The following LRP6 variants were observed in gnomAD, a reference collection of about 807,000 sequenced individuals.
LRP6 encodes the protein LDL receptor related protein 6, also known as low-density lipoprotein receptor-related protein 6.
LRP6 carries 43 observed loss-of-function variants against 184.1 expected under a neutral mutation model. The observed-to-expected ratio is 0.23, with a 90% confidence interval of 0.18 to 0.30. The LOEUF (loss-of-function observed/expected upper bound fraction) is 0.30. Among genes scored for constraint, LRP6 ranks in the 10% least tolerant of loss-of-function variants. LRP6 has a pLI of 1.00. For missense variants in LRP6, 1,571 were observed against 2,005.3 expected (o/e 0.78, Z 4.14); for synonymous variants, 719 against 684.9 (o/e 1.05, Z -0.78).
intron 6 of LRP6, 83 bp from the exon 7 acceptor site, chr12:12,180,064 C>G: frequency 9.1e-7 from 1 of 1,100,986 alleles, no homozygotes; most frequent in Non-Finnish European, 1.4e-6. Flanking sequence ...TCCATCCCTC[C>G]TATTACACTG....
intron 2 of LRP6, among the ~76,000 whole-genome samples, chr12:12,221,584 A>T (rs920629933): frequency 1.7e-4 from 26 of 152,194 alleles, no homozygotes; most frequent in African/African-American, 6.0e-4. Flanking sequence ...TTCATCAGAG[A>T]TTCTGATTCA....
chr12:12,202,788 T>C (rs1387956489), intron 3 of LRP6, among the ~76,000 whole-genome samples: 2 of 152,196 alleles, frequency 1.3e-5, no homozygotes, highest in East Asian at 1.9e-4. Context: ...TGGGACACTC[T>C]TTGTTGTACT....
intron 7 of LRP6, 97 bp from the exon 8 acceptor site, chr12:12,165,392 AG>A: frequency 8.1e-6 from 7 of 860,792 alleles, no homozygotes; most frequent in African/African-American, 1.6e-5. Flanking sequence ...AAAATCCAAG[AG>A]TCATCTTGGT....
rs1386065652 is a variant in LRP6 at position 12,120,225 on chromosome 12, T to C, written c.*901A>G. On this transcript the variant is annotated 3_prime_UTR_variant, in exon 23 of 23. Transcript: ENST00000261349. ...TAATATGTCTAACTTTTGATCATTATGCAAAAACAGCAGTCAAATTGAAGA... is the reference window on the plus strand; with the variant it reads ...TAATATGTCTAACTTTTGATCATTACGCAAAAACAGCAGTCAAATTGAAGA... The C allele has an allele frequency of 6.6e-6, 1 of 151,770 alleles. No homozygotes were observed. The highest frequency in any genetic ancestry group is 1.5e-5 in the Non-Finnish European group (1 of 67,956). 9.4% of individuals were successfully genotyped at this position (151,770 alleles called of 1,614,324 possible). A position where few individuals can be genotyped will look rare whatever the true frequency, so the allele number is the denominator to read the frequency against.
chr12:12,179,379 TAG>T lies in LRP6; in HGVS notation c.1545+429_1545+430del, dbSNP rs1161238669. On this transcript the variant is annotated intron_variant, in intron 7 of 22. Transcript: ENST00000261349. ...GCAATAAAAGATATAGATATAGATATAGATATAGATATAGATATAGATATAGA... is the reference window on the plus strand; with the variant it reads ...GCAATAAAAGATATAGATATAGATATATATAGATATAGATATAGATATAGA... Among the ~76,000 whole-genome samples the T allele has an allele frequency of 1.5e-4, 9 of 58,088 alleles. No individual in the cohort carries two copies. The East Asian group carries it at 7.3e-3, about 47-fold the overall frequency. The allele number at this position is 58,088 out of a possible 152,430, so 38.1% of individuals were successfully genotyped here. A position where few individuals can be genotyped will look rare whatever the true frequency, so the allele number is the denominator to read the frequency against.
chr12:12,199,451 A>T (rs184010850), intron 3 of LRP6, among the ~76,000 whole-genome samples: 4 of 152,328 alleles, frequency 2.6e-5, no homozygotes, highest in Admixed American at 2.6e-4. Flanking sequence ...GGAAAACATC[A>T]ATTGTTGTAC....
At chr12:12,245,200 T>G (rs943997590) in intron 1 of LRP6, among the ~76,000 whole-genome samples, 3 of 152,188 alleles carry the variant, frequency 2.0e-5, no homozygotes, top group African/African-American at 7.2e-5. Flanking sequence ...AACCCAAATG[T>G]CATCAACAGG....
chr12:12,221,197 C>T (rs1312857265), intron 2 of LRP6, among the ~76,000 whole-genome samples: 3 of 152,108 alleles, frequency 2.0e-5, no homozygotes, highest in African/African-American at 4.8e-5. Flanking sequence ...ATAAAAGGAA[C>T]AATTTATTAC....
intron 2 of LRP6, among the ~76,000 whole-genome samples, chr12:12,207,007 T>C (rs1864078438): frequency 6.6e-6 from 1 of 152,036 alleles, no homozygotes; most frequent in Non-Finnish European, 1.5e-5. Flanking sequence ...ATGAGAAGCA[T>C]TTATTCCAGA....
chr12:12,135,344 A>T, intron 16 of LRP6, 44 bp from the exon 17 acceptor site: 5 of 1,319,746 alleles, frequency 3.8e-6, no homozygotes, highest in Admixed American at 1.7e-5. Flanking sequence ...GGGGGAGTGG[A>T]GGGGGAGAGA....
chr12:12,135,104 T>C (rs761042632), intron 17 of LRP6, 71 bp downstream of exon 17: 115 of 1,608,712 alleles, frequency 7.1e-5, no homozygotes, highest in South Asian at 1.9e-4. Context: ...TGCCTAGTCA[T>C]AGAAGTCTAG....
At position 12,119,311 on chromosome 12, in the gene LRP6, GC is replaced by G. The variant is rs1239204935; in HGVS notation, c.*1814del. The stretch of plus-strand genomic sequence containing the variant: ...CCTTTCTTCCACTGTTTTCTCTTGG[GC>G]CCTGAAACCCAGAGAGGCCTTGGCA... On this transcript the variant is annotated 3_prime_UTR_variant, in exon 23 of 23. Transcript: ENST00000261349. 2 of 151,304 alleles carry G rather than the reference GC, an allele frequency of 1.3e-5. No homozygotes were observed. The highest frequency in any genetic ancestry group is 4.9e-5 in the African/African-American group (2 of 41,098). The allele number at this position is 151,304 out of a possible 1,614,324, so 9.4% of individuals were successfully genotyped here. A position where few individuals can be genotyped will look rare whatever the true frequency, so the allele number is the denominator to read the frequency against.
At chr12:12,259,565 T>C (rs1040392659) in intron 1 of LRP6, among the ~76,000 whole-genome samples, 3 of 152,162 alleles carry the variant, frequency 2.0e-5, no homozygotes, top group African/African-American at 4.8e-5. Flanking sequence ...TAAAAGTTTC[T>C]AGCCTCACAC....
chr12:12,250,781 C>T (rs532720238), intron 1 of LRP6, among the ~76,000 whole-genome samples: 58 of 152,060 alleles, frequency 3.8e-4, no homozygotes, highest in African/African-American at 1.3e-3. Context: ...CAACACCACA[C>T]CCGGCTAATT....
Position 12,135,294 on chromosome 12 carries a change from T to C in LRP6, c.3614A>G (p.His1205Arg). 2 of 1,610,874 alleles carry C rather than the reference T, an allele frequency of 1.2e-6. No individual in the cohort carries two copies. Among genetic ancestry groups the C allele is most frequent in the Non-Finnish European group, 8.5e-7 (1 of 1,179,136 alleles). ...KELNLQEYRQ[H>R]PCAQDNGGCS... ...GCCACCATTATCCTGAGCACAAGGG[T>C]GCTGTCCTGCAAAGAGAAGAGGTGA... is the stretch of plus-strand genomic sequence containing the variant. The change falls in exon 17 of 23, where the codon CAC becomes CGC. Residue 1205 changes from histidine (H) to arginine (R), a missense_variant. Around this residue, in one of 4 missense-constraint regions of LRP6, gnomAD observed 763 missense variants for 859.5 expected, o/e 0.89. Transcript: ENST00000261349.
intron 7 of LRP6, among the ~76,000 whole-genome samples, chr12:12,177,179 AC>A (rs1863212724): frequency 6.6e-6 from 1 of 152,092 alleles, no homozygotes; most frequent in South Asian, 2.1e-4. Context: ...TCAGAAGAGA[AC>A]AGGGTTATCA....
At chr12:12,159,295 T>C in intron 11 of LRP6, 140 bp from the exon 12 acceptor site, 1 of 692,434 alleles carries the variant, frequency 1.4e-6, no homozygotes, top group Admixed American at 2.7e-5. Context: ...ATAGAAAAAT[T>C]CATTTAAAAG....
At chr12:12,237,657 T>G (rs1312029308) in intron 2 of LRP6, among the ~76,000 whole-genome samples, 2 of 152,250 alleles carry the variant, frequency 1.3e-5, no homozygotes, top group African/African-American at 4.8e-5. Context: ...TTCTGTGGTA[T>G]TCTTGCCAAA....
chr12:12,199,162 TG>T, intron 3 of LRP6, among the ~76,000 whole-genome samples: 1 of 150,964 alleles, frequency 6.6e-6, no homozygotes, highest in South Asian at 2.1e-4. Context: ...AATGGATGAG[TG>T]TGTTCAGTTA....
Sources: allele counts gnomAD v4.1 joint callset (sites outside exome capture counted in the v4.1 genomes callset), GRCh38; gene constraint gnomAD v4.1.1; regional missense constraint gnomAD v4.1.1; transcripts MANE v1.5; gene names NCBI Gene and HGNC (gene_info 2026-07-23, HGNC 2026-07-21).